The following MSL1 variants were observed in gnomAD, a reference collection of about 807,000 sequenced individuals.
The protein encoded by MSL1 is male-specific lethal 1 homolog.
In MSL1, 21 loss-of-function variants were observed where a neutral mutation model predicts 64.6. That is an observed-to-expected ratio of 0.33 (90% CI 0.23 to 0.47). MSL1 has a LOEUF of 0.47. Ranked by LOEUF, MSL1 falls within the 20% of genes least tolerant of loss-of-function variation. The pLI is 1.00. For synonymous variants in MSL1, 339 were observed against 329.6 expected (o/e 1.03, Z -0.31); for missense variants, 664 against 793.2 (o/e 0.84, Z 1.96).
chr17:40,128,662 G>A (rs1054899683), intron 2 of MSL1, among the ~76,000 whole-genome samples: 29 of 151,352 alleles, frequency 1.9e-4, no homozygotes, highest in Non-Finnish European at 3.7e-4. Context: ...GATTACAGGC[G>A]TGAGCCACTG....
intron 1 of MSL1, among the ~76,000 whole-genome samples, chr17:40,125,440 GTTTGCAC>G (rs953223272): frequency 5.6e-4 from 85 of 152,256 alleles, no homozygotes; most frequent in Admixed American, 1.3e-3. Flanking sequence ...TCAATGTACT[GTTTGCAC>G]TTTGCTGTTG....
intron 1 of MSL1, among the ~76,000 whole-genome samples, chr17:40,124,425 TTCTC>T (rs1160809545): frequency 6.6e-6 from 1 of 151,930 alleles, no homozygotes; most frequent in Non-Finnish European, 1.5e-5. Context: ...TCTCTCCTCT[TTCTC>T]TCTGGCGTCG....
In MSL1 at chr17:40,126,410, T is replaced by C. The variant is rs1189231511; in HGVS notation, c.992+4T>C. 6.2e-7 allele frequency: 1 copy of C among 1,612,996 alleles called. No homozygotes were observed. The highest frequency in any genetic ancestry group is 1.7e-5 in the Admixed American group (1 of 60,014). On this transcript the variant is annotated splice_donor_region_variant and intron_variant, in intron 2 of 8. Coordinates refer to ENST00000398532, the MANE Select transcript of MSL1 (RefSeq NM_001365919.1). ...GGAGTGGAAAGGGACATAAAAGGTG[T>C]GCTGATAACTTTGTTTGATGAGGAC...
chr17:40,123,424 TGCGCATGCTCGGGGGAAGGG>T (rs1332318608), intron 1 of MSL1, 44 bp downstream of exon 1: 1 of 1,522,776 alleles, frequency 6.6e-7, no homozygotes, highest in Non-Finnish European at 8.8e-7. Context: ...GAGCGAGTTG[TGCGCATGCTCGGGGGAAGGG>T]GGCTGTAGGA....
chr17:40,128,284 A>G (rs930861258), intron 2 of MSL1, among the ~76,000 whole-genome samples: 4 of 151,512 alleles, frequency 2.6e-5, no homozygotes, highest in Non-Finnish European at 4.4e-5. Flanking sequence ...AAAAGGAAAG[A>G]GACTGATCTC....
Position 40,126,247 on chromosome 17 carries a change from A to G in MSL1, c.833A>G (p.Glu278Gly). ...CTGGTAAAGAAGGATAACGAGAAAG[A>G]AAGGCACAAGCTGTTTCAGGGCTAT... ...MQLVKKDNEK[E>G]RHKLFQGYET... The change falls in exon 2 of 9, where the codon GAA becomes GGA. Residue 278 changes from glutamate to glycine, a missense_variant. Physicochemically the swap from Glu to Gly is moderately conservative, Grantham distance 98. This residue lies in a region of MSL1 where 466 missense variants were observed against 499.0 expected (regional missense o/e 0.93). Transcript: ENST00000398532. 6.2e-7 allele frequency: 1 copy of G among 1,614,044 alleles called. No individual in the cohort carries two copies. The highest frequency in any genetic ancestry group is 8.5e-7 in the Non-Finnish European group (1 of 1,179,896).
rs768040135 is a variant in MSL1, at chr17:40,123,380, G to A, written c.768G>A (p.Thr256=). The A allele has an allele frequency of 5.2e-6, 8 of 1,535,964 alleles. No homozygotes were observed. Among genetic ancestry groups the A allele is most frequent in the Non-Finnish European group, 7.0e-6 (8 of 1,146,744 alleles). ...AGGAGCTGAAGTCAGAGAGAGACAC[G>A]GTACGGGAGGGGTTAATCTGCATTC... ...EIEELKSERD[T]LLARIERMER... is the part of the protein sequence containing the mutation. Residue 256 remains threonine (T), a splice_region_variant and synonymous_variant, in exon 1 of 9, where the codon ACG becomes ACA. Coordinates refer to ENST00000398532, the MANE Select transcript of MSL1 (RefSeq NM_001365919.1).
In MSL1 at chr17:40,136,849, T is replaced by C. The variant is rs1040898016; in HGVS notation, c.*2480T>C. On this transcript the variant is annotated 3_prime_UTR_variant, in exon 9 of 9. Coordinates refer to ENST00000398532, the MANE Select transcript of MSL1 (RefSeq NM_001365919.1). ...TGGCAAACAAACAATTCTGCTTGTA[T>C]ATTTGAAACATTGGAAAAAGAAATC... 6.6e-6 allele frequency: 1 copy of C among 152,386 alleles called. No homozygotes were observed. The allele number at this position is 152,386 out of a possible 1,614,324, so 9.4% of individuals were successfully genotyped here. A position where few individuals can be genotyped will look rare whatever the true frequency, so the allele number is the denominator to read the frequency against.
intron 2 of MSL1, 78 bp downstream of exon 2, chr17:40,126,484 T>G: frequency 7.5e-7 from 1 of 1,332,710 alleles, no homozygotes; most frequent in Non-Finnish European, 1.1e-6. Flanking sequence ...ATGAATTGGT[T>G]TTATAGCAAT....
Position 40,122,748 on chromosome 17 carries a change from C to G in MSL1, c.136C>G (p.Leu46Val). ...GCCTGGGGCGGCCGAAGCCCACTTC[C>G]TCCCCCGGCACCGTAAGCTCAAGGA... ...DEPGAAEAHFLPRHRKLKEPG... is the reference protein window; with the variant it reads ...DEPGAAEAHFVPRHRKLKEPG... Residue 46 changes from leucine to valine, a missense_variant, in exon 1 of 9, where the codon CTC becomes GTC. Coordinates refer to ENST00000398532, the MANE Select transcript of MSL1 (RefSeq NM_001365919.1). This position sits in a 1 kb window ranked among gnomAD's most constrained non-coding sequence, Gnocchi z 4.2. 2 of 1,441,924 alleles carry G rather than the reference C, an allele frequency of 1.4e-6. No individual in the cohort carries two copies. The highest frequency in any genetic ancestry group is 1.8e-6 in the Non-Finnish European group (2 of 1,105,552). The allele number at this position is 1,441,924 out of a possible 1,614,324, so 89.3% of individuals were successfully genotyped here.
chr17:40,129,238 C>T lies in MSL1; in HGVS notation c.993-7C>T, dbSNP rs1988388941. 4 of 1,534,328 alleles carry T rather than the reference C, an allele frequency of 2.6e-6. No homozygotes were observed. The highest frequency in any genetic ancestry group is 3.5e-6 in the Non-Finnish European group (4 of 1,145,226). ...AATTTTATAATGTTTTCTTCCCTATCTAATAGGAAATCCCCATTTGGAAGT... is the reference window on the plus strand; with the variant it reads ...AATTTTATAATGTTTTCTTCCCTATTTAATAGGAAATCCCCATTTGGAAGT... On this transcript the variant is annotated splice_region_variant and splice_polypyrimidine_tract_variant and intron_variant, in intron 2 of 8. Coordinates refer to ENST00000398532, the MANE Select transcript of MSL1 (RefSeq NM_001365919.1).
In MSL1 at chr17:40,122,087, G is replaced by A. The variant is rs1461073594; in HGVS notation, c.-526G>A. The stretch of plus-strand genomic sequence containing the variant: ...GTGGGGGAGGGGGACCCCGAGCCGC[G>A]GAGACCCCCGGGAGAGGCGACAGAC... On this transcript the variant is annotated 5_prime_UTR_variant, in exon 1 of 9. Coordinates refer to ENST00000398532, the MANE Select transcript of MSL1 (RefSeq NM_001365919.1). The surrounding 1 kb of genome is among the most constrained non-coding windows in gnomAD (Gnocchi z 4.2). Among the ~76,000 whole-genome samples the A allele has an allele frequency of 6.6e-6, 1 of 151,580 alleles. No individual in the cohort carries two copies.
Position 40,122,728 on chromosome 17 carries a change from G to A in MSL1, c.116G>A (p.Gly39Glu). 2.7e-6 allele frequency: 4 copies of A among 1,460,910 alleles called. No homozygotes were observed. Among genetic ancestry groups the A allele is most frequent in the East Asian group, 2.9e-5 (1 of 34,230 alleles). The allele number at this position is 1,460,910 out of a possible 1,614,324, so 90.5% of individuals were successfully genotyped here. Residue 39 changes from glycine to glutamate, a missense_variant, in exon 1 of 9, where the codon GGG becomes GAG. Physicochemically the swap from Gly to Glu is moderately conservative, Grantham distance 98. This residue lies in a region of MSL1 where 466 missense variants were observed against 499.0 expected (regional missense o/e 0.93). Transcript: ENST00000398532. This position sits in a 1 kb window ranked among gnomAD's most constrained non-coding sequence, Gnocchi z 4.2. ...CTGGGCGGGCCCGAGGACGAGCCTG[G>A]GGCGGCCGAAGCCCACTTCCTCCCC... ...AALGGPEDEP[G>E]AAEAHFLPRH...
At chr17:40,123,922 C>T (rs1270871346) in intron 1 of MSL1, among the ~76,000 whole-genome samples, 1 of 152,144 alleles carries the variant, frequency 6.6e-6, no homozygotes, top group African/African-American at 2.4e-5. Context: ...TTAAGAGAAT[C>T]ACTGCCTTTG....
rs1004808361 is a variant in MSL1, at chr17:40,129,187, A to G, written c.993-58A>G. On this transcript the variant is annotated intron_variant, in intron 2 of 8. Coordinates refer to ENST00000398532, the MANE Select transcript of MSL1 (RefSeq NM_001365919.1). ...ATTCTTTTGCTCCAGAATGTGTTCA[A>G]ATTAGATTTTATTCAAGTGTCAATA... is the stretch of plus-strand genomic sequence containing the variant. 4 of 1,391,262 alleles carry G rather than the reference A, an allele frequency of 2.9e-6. No homozygotes were observed. In the African/African-American group the frequency reaches 4.4e-5, roughly 15 times the overall value. The allele number at this position is 1,391,262 out of a possible 1,614,324, so 86.2% of individuals were successfully genotyped here.
At position 40,123,159 on chromosome 17, in the gene MSL1, C is replaced by T; in HGVS notation, c.547C>T (p.Leu183Phe). The T allele has an allele frequency of 6.5e-7, 1 of 1,534,250 alleles. No homozygotes were observed. Among genetic ancestry groups the T allele is most frequent in the Non-Finnish European group, 8.7e-7 (1 of 1,146,200 alleles). The change falls in exon 1 of 9, where the codon CTC (leucine) becomes TTC (phenylalanine). Residue 183 changes from leucine to phenylalanine, a missense_variant. By Grantham distance (22) the Leu-to-Phe change is conservative. Coordinates refer to ENST00000398532, the MANE Select transcript of MSL1 (RefSeq NM_001365919.1). ...ACTACCTCTGCCCGGGCCGCCACCC[C>T]TCGCGCCCACCGCCACCGCCGGGAC... ...PPLPLPGPPP[L>F]APTATAGTLA...
intron 2 of MSL1, among the ~76,000 whole-genome samples, chr17:40,127,455 T>A (rs767360130): frequency 3.3e-5 from 5 of 152,148 alleles, no homozygotes; most frequent in Non-Finnish European, 7.4e-5. Flanking sequence ...GTAAAATACG[T>A]AGATGTACAA....
chr17:40,134,458 CAT>C lies in MSL1; in HGVS notation c.*92_*93del, dbSNP rs1301053595. 1.1e-4 allele frequency: 109 copies of C among 1,029,468 alleles called. No homozygotes were observed. Among genetic ancestry groups the C allele is most frequent in the South Asian group, 7.7e-4 (55 of 71,468 alleles). 63.8% of individuals were successfully genotyped at this position (1,029,468 alleles called of 1,614,324 possible). ...CCTGTATATGTGACCTTTGTCCTCA[CAT>C]ATGTTATCACTCGCTGATAATACCC... On this transcript the variant is annotated 3_prime_UTR_variant, in exon 9 of 9. Coordinates refer to ENST00000398532, the MANE Select transcript of MSL1 (RefSeq NM_001365919.1).
At chr17:40,124,992 C>T (rs1049716261) in intron 1 of MSL1, 1 of 152,220 alleles carries the variant, frequency 6.6e-6, no homozygotes, top group Non-Finnish European at 1.5e-5. Context: ...GCTTGTTTCA[C>T]TTATTCCAGT....
Sources: allele counts gnomAD v4.1 joint callset (sites outside exome capture counted in the v4.1 genomes callset), GRCh38; gene constraint gnomAD v4.1.1; regional missense constraint gnomAD v4.1.1; non-coding constraint Gnocchi (gnomAD v3.1); transcripts MANE v1.5; gene names NCBI Gene and HGNC (gene_info 2026-07-23, HGNC 2026-07-21).